EYS: variants seen among roughly 807,000 people sequenced by gnomAD.
EYS encodes EGF-like photoreceptor maintenance factor.
Under a neutral mutation model 282.1 loss-of-function variants are expected in EYS, and 250 were observed. The observed-to-expected ratio is 0.89, with a 90% CI of 0.80 to 0.98. EYS has a LOEUF of 0.98. EYS is among the 50% of genes least tolerant of loss of function. The probability of loss-of-function intolerance (pLI) is 0.00; values close to 1 mark genes in which losing one functional copy is unlikely to be tolerated. For missense variants in EYS, 4,016 were observed against 3,709.0 expected (o/e 1.08, Z -2.15); for synonymous variants, 1,355 against 1,282.9 (o/e 1.06, Z -1.20).
chr6:64,180,790 T>C (rs765762920), intron 31 of EYS, among the ~76,000 whole-genome samples: 1 of 152,182 alleles, frequency 6.6e-6, no homozygotes, highest in Non-Finnish European at 1.5e-5. Context: ...TAATGGGCTA[T>C]GTAATCTTTT....
At chr6:64,719,692 G>A (rs539041186) in intron 22 of EYS, among the ~76,000 whole-genome samples, 82 of 152,218 alleles carry the variant, frequency 5.4e-4, no homozygotes, top group African/African-American at 1.9e-3. Flanking sequence ...ATCACTGGAA[G>A]TCAGGAGTTC....
At chr6:65,066,480 A>G (rs1314027994) in intron 12 of EYS, among the ~76,000 whole-genome samples, 1 of 152,158 alleles carries the variant, frequency 6.6e-6, no homozygotes, top group African/African-American at 2.4e-5. Flanking sequence ...ACTTTTTTGT[A>G]TAATGAAGCA....
intron 5 of EYS, among the ~76,000 whole-genome samples, chr6:65,469,707 G>T (rs1434437720): frequency 6.6e-6 from 1 of 151,856 alleles, no homozygotes; most frequent in Non-Finnish European, 1.5e-5. Flanking sequence ...ATACCATTCA[G>T]CTCTTTTTTT....
intron 26 of EYS, among the ~76,000 whole-genome samples, chr6:64,548,513 T>A (rs946071345): frequency 1.3e-5 from 2 of 151,964 alleles, no homozygotes; most frequent in Non-Finnish European, 2.9e-5. Context: ...AAAGGATGAG[T>A]TCATGTGCTT....
intron 35 of EYS, among the ~76,000 whole-genome samples, chr6:63,877,738 C>A (rs1269535530): frequency 6.6e-6 from 1 of 152,094 alleles, no homozygotes; most frequent in Non-Finnish European, 1.5e-5. Flanking sequence ...GTCGCTGTTA[C>A]CCTTTCTTCC....
intron 12 of EYS, among the ~76,000 whole-genome samples, chr6:65,260,274 A>C (rs968719961): frequency 5.9e-5 from 9 of 151,998 alleles, no homozygotes; most frequent in African/African-American, 1.9e-4. Flanking sequence ...CTCCCTTGAC[A>C]TGTGGGAATT....
At chr6:64,525,707 A>C (rs1428471985) in intron 26 of EYS, among the ~76,000 whole-genome samples, 1 of 151,838 alleles carries the variant, frequency 6.6e-6, no homozygotes, top group Non-Finnish European at 1.5e-5. Flanking sequence ...AATAAAAAAC[A>C]GTGACAACAC....
At chr6:63,825,502 G>A (rs1016426454) in intron 36 of EYS, among the ~76,000 whole-genome samples, 6 of 152,158 alleles carry the variant, frequency 3.9e-5, no homozygotes, top group South Asian at 2.1e-4. Context: ...CGTGCCCTTC[G>A]CCACCTCAAC....
chr6:64,260,594 T>C (rs1474829), intron 30 of EYS, among the ~76,000 whole-genome samples: 112,661 of 151,906 alleles, frequency 0.74, 42,192 homozygotes, highest in African/African-American at 0.85. Context: ...TTATTATATT[T>C]AATCTGCCCT....
intron 35 of EYS, among the ~76,000 whole-genome samples, chr6:63,884,183 A>T (rs1011879013): frequency 2.2e-4 from 33 of 152,314 alleles, no homozygotes; most frequent in South Asian, 2.1e-4. Flanking sequence ...TGTGTTTTCA[A>T]GGTGGGATAA....
intron 19 of EYS, among the ~76,000 whole-genome samples, chr6:64,836,792 T>A (rs999228665): frequency 6.6e-6 from 1 of 151,610 alleles, no homozygotes; most frequent in African/African-American, 2.4e-5. Context: ...TCAAATGTGA[T>A]AAAAGACAAA....
chr6:65,150,245 C>G (rs1463707105), intron 12 of EYS, among the ~76,000 whole-genome samples: 2 of 151,944 alleles, frequency 1.3e-5, no homozygotes, highest in Non-Finnish European at 1.5e-5. Context: ...TATATTTACT[C>G]TTTGTTTTAC....
chr6:65,548,729 C>A (rs1929333), intron 2 of EYS, among the ~76,000 whole-genome samples: 2 of 152,082 alleles, frequency 1.3e-5, no homozygotes, highest in African/African-American at 4.8e-5. Context: ...CTGTTCTACA[C>A]TATAAGATTT....
At chr6:65,180,049 C>A (rs1002895974) in intron 12 of EYS, among the ~76,000 whole-genome samples, 1 of 150,922 alleles carries the variant, frequency 6.6e-6, no homozygotes, top group Non-Finnish European at 1.5e-5. Flanking sequence ...ATTGATGGGA[C>A]GTATCTCAAA....
intron 40 of EYS, 66 bp from the exon 41 acceptor site, chr6:63,762,699 G>T (rs1769677240): frequency 7.4e-7 from 1 of 1,358,898 alleles, no homozygotes. Context: ...ACTATGTATT[G>T]CCCTGATGCT....
At chr6:65,233,056 T>C (rs751887104) in intron 12 of EYS, among the ~76,000 whole-genome samples, 23 of 152,174 alleles carry the variant, frequency 1.5e-4, no homozygotes, top group Non-Finnish European at 2.6e-4. Context: ...ATTCTCCATT[T>C]GATATGAAAT....
chr6:64,122,866 TTAA>T (rs1213398981), intron 31 of EYS, among the ~76,000 whole-genome samples: 4 of 152,140 alleles, frequency 2.6e-5, no homozygotes, highest in Non-Finnish European at 5.9e-5. Flanking sequence ...TTAGAAATCG[TTAA>T]TAATAATAAA....
chr6:64,755,503 C>G (rs372080588), intron 22 of EYS, among the ~76,000 whole-genome samples: 70,519 of 123,870 alleles, frequency 0.57, 18,224 homozygotes, highest in Admixed American at 0.63. Flanking sequence ...TACATACACA[C>G]ACACACACAC....
intron 35 of EYS, among the ~76,000 whole-genome samples, chr6:63,881,132 A>G (rs1433693821): frequency 6.6e-6 from 1 of 152,104 alleles, no homozygotes; most frequent in Non-Finnish European, 1.5e-5. Context: ...ATTTCCCCTC[A>G]ATTGCTCCTT....
Sources: gnomAD v4.1 joint callset for allele counts (sites outside exome capture counted in the v4.1 genomes callset) on GRCh38, gnomAD v4.1.1 for gene constraint, MANE v1.5 for transcripts, NCBI Gene and HGNC (gene_info 2026-07-23, HGNC 2026-07-21) for gene names.